DDX60L: variants seen among roughly 807,000 people sequenced by gnomAD.
The protein encoded by DDX60L is probable ATP-dependent RNA helicase DDX60-like.
In DDX60L, 191 loss-of-function variants were observed where a neutral mutation model predicts 211.6. That is an observed-to-expected ratio of 0.90 (90% CI 0.80 to 1.02). The LOEUF (loss-of-function observed/expected upper bound fraction) is 1.02. Ranked by LOEUF, DDX60L falls within the 50% of genes least tolerant of loss-of-function variation. The probability of loss-of-function intolerance (pLI) is 0.00; values close to 1 mark genes in which losing one functional copy is unlikely to be tolerated. For synonymous variants in DDX60L, 706 were observed against 694.1 expected (o/e 1.02, Z -0.27); for missense variants, 2,007 against 1,984.1 (o/e 1.01, Z -0.22).
chr4:168,434,122 G>T (rs1752725387), intron 10 of DDX60L, among the ~76,000 whole-genome samples: 1 of 151,986 alleles, frequency 6.6e-6, no homozygotes, highest in Non-Finnish European at 1.5e-5. Context: ...GTGTGTGTTT[G>T]TGTGTGTGTT....
rs1382641257 is a variant in DDX60L at position 168,456,113 on chromosome 4, C to T, written c.763G>A (p.Glu255Lys). Reference protein sequence around the residue: ...TLFLLQHLWSEGSDIQRVLCV... With the variant: ...TLFLLQHLWSKGSDIQRVLCV... Reference sequence around the variant, plus strand: ...AGAACACGCTGGATGTCCGATCCTTCTGACCATAGGTGCTGAAGCAGAAAT... The same window carrying T: ...AGAACACGCTGGATGTCCGATCCTTTTGACCATAGGTGCTGAAGCAGAAAT... Residue 255 changes from glutamate to lysine, a missense_variant, in exon 7 of 38, where the codon GAA (glutamate) becomes AAA (lysine). Physicochemically the swap from Glu to Lys is moderately conservative, Grantham distance 56. Transcript: ENST00000682922. The T allele has an allele frequency of 6.3e-7, 1 of 1,595,716 alleles. No individual in the cohort carries two copies. Among genetic ancestry groups the T allele is most frequent in the South Asian group, 1.1e-5 (1 of 87,106 alleles).
At chr4:168,479,825 T>TA (rs1182650356) in intron 1 of DDX60L, among the ~76,000 whole-genome samples, 5 of 103,662 alleles carry the variant, frequency 4.8e-5, no homozygotes, top group East Asian at 2.6e-4. Flanking sequence ...AAATAAAAAA[T>TA]AAAAAAAAAT....
At position 168,401,523 on chromosome 4, in the gene DDX60L, G is replaced by A. The variant is rs576671555; in HGVS notation, c.3339-545C>T. On this transcript the variant is annotated intron_variant, in intron 25 of 37. Transcript: ENST00000682922. ...GGCACATGTTCTCAGGATCTCCTGTGGGATGTGTCACAGGCCATGGTCACT... is the reference window on the plus strand; with the variant it reads ...GGCACATGTTCTCAGGATCTCCTGTAGGATGTGTCACAGGCCATGGTCACT... Among the ~76,000 whole-genome samples the A allele has an allele frequency of 9.2e-5, 14 of 152,300 alleles. No individual in the cohort carries two copies. In the South Asian group the frequency reaches 2.3e-3, roughly 25 times the overall value.
chr4:168,456,226 T>A, intron 6 of DDX60L, 74 bp from the exon 7 acceptor site: 1 of 840,966 alleles, frequency 1.2e-6, no homozygotes, highest in Non-Finnish European at 1.7e-6. Context: ...CTCTTACTTG[T>A]AAGAAACATA....
intron 4 of DDX60L, among the ~76,000 whole-genome samples, chr4:168,464,882 C>A (rs781420763): frequency 1.4e-4 from 22 of 152,034 alleles, no homozygotes; most frequent in Non-Finnish European, 2.9e-4. Context: ...ACCACATTTT[C>A]TTTATCCATT....
Position 168,460,592 on chromosome 4 carries a change from G to C in DDX60L, c.606+1107C>G, listed in dbSNP as rs187196309. On this transcript the variant is annotated intron_variant, in intron 5 of 37. Transcript: ENST00000682922. ...CACTGTCAACCTTTTATTCGTAAAG[G>C]AAAACCACTTCTTTACTTATAACAC... Among the ~76,000 whole-genome samples, 18 of 151,888 alleles carry C rather than the reference G, an allele frequency of 1.2e-4. No individual in the cohort carries two copies. The East Asian group carries it at 3.1e-3, about 26-fold the overall frequency.
chr4:168,401,145 G>A (rs756662758), intron 25 of DDX60L, among the ~76,000 whole-genome samples, 167 bp from the exon 26 acceptor site: 3 of 152,082 alleles, frequency 2.0e-5, no homozygotes, highest in East Asian at 1.9e-4. Context: ...TGGGAAGTAG[G>A]GGTTCAACAT....
chr4:168,415,839 GAAGT>G, intron 20 of DDX60L, 40 bp from the exon 21 acceptor site: 1 of 1,389,570 alleles, frequency 7.2e-7, no homozygotes, highest in African/African-American at 1.5e-5. Context: ...ATAAAATATA[GAAGT>G]ATTTATCAAG....
In DDX60L at chr4:168,430,625, A is replaced by C; in HGVS notation, c.1530T>G (p.Asp510Glu). The change falls in exon 13 of 38, where the codon GAT (aspartate) becomes GAG (glutamate). Residue 510 changes from aspartate to glutamate, a missense_variant. Transcript: ENST00000682922. ...TTTTCAGGAAATCAAGAACATGAGG[A>C]TCTCTAGATTGTTCTGAAATAGAAA... ...IKCHVDEQSR[D>E]PHVLDFLKKI... 2 of 1,552,466 alleles carry C rather than the reference A, an allele frequency of 1.3e-6. No individual in the cohort carries two copies. Among genetic ancestry groups the C allele is most frequent in the Middle Eastern group, 1.7e-4 (1 of 5,928 alleles).
intron 9 of DDX60L, among the ~76,000 whole-genome samples, chr4:168,446,539 T>A (rs1201231113): frequency 2.6e-5 from 4 of 152,206 alleles, no homozygotes; most frequent in Admixed American, 1.3e-4. Context: ...ACTTTAAAGT[T>A]CATACGGAAC....
At chr4:168,443,501 C>T (rs1450627185) in intron 9 of DDX60L, among the ~76,000 whole-genome samples, 3 of 151,846 alleles carry the variant, frequency 2.0e-5, no homozygotes, top group East Asian at 1.9e-4. Context: ...GGCAGGCCAA[C>T]GTTCAGATTC....
chr4:168,470,885 C>G, intron 4 of DDX60L: 1 of 259,262 alleles, frequency 3.9e-6, no homozygotes, highest in Non-Finnish European at 7.7e-6. Flanking sequence ...CTCAAGAAGG[C>G]AATAGAAAGG....
Position 168,384,045 on chromosome 4 carries a change from C to T in DDX60L, c.4116+567G>A, listed in dbSNP as rs917140339. On this transcript the variant is annotated intron_variant, in intron 30 of 37. Coordinates refer to ENST00000682922, the MANE Select transcript of DDX60L (RefSeq NM_001012967.3). ...TAGACTGACTTAGTCTCCCAAACTA[C>T]ATCTTTCTCCTGTGCTGGATACTTC... Among the ~76,000 whole-genome samples, 3 of 152,170 alleles carry T rather than the reference C, an allele frequency of 2.0e-5. No homozygotes were observed. In the East Asian group the frequency reaches 5.8e-4, roughly 29 times the overall value.
chr4:168,359,798 C>T (rs1490431416), intron 37 of DDX60L, among the ~76,000 whole-genome samples: 1 of 152,170 alleles, frequency 6.6e-6, no homozygotes, highest in Non-Finnish European at 1.5e-5. Context: ...ACTCCACACT[C>T]ACTTCTCAGC....
intron 4 of DDX60L, among the ~76,000 whole-genome samples, chr4:168,463,275 T>C (rs1031816275): frequency 7.9e-5 from 12 of 152,298 alleles, no homozygotes; most frequent in Non-Finnish European, 1.5e-4. Flanking sequence ...GTGGTACATA[T>C]ACATCATGGA....
At chr4:168,379,118 T>C (rs1162210531) in intron 32 of DDX60L, among the ~76,000 whole-genome samples, 1 of 152,250 alleles carries the variant, frequency 6.6e-6, no homozygotes, top group Non-Finnish European at 1.5e-5. Context: ...CTCCGTTTTC[T>C]CTTCTGCAAA....
Position 168,441,443 on chromosome 4 carries a change from C to T in DDX60L, c.1188G>A (p.Leu396=), listed in dbSNP as rs750412881. The change falls in exon 10 of 38, where the codon CTG becomes CTA. Residue 396 remains leucine (L), a synonymous_variant. Coordinates refer to ENST00000682922, the MANE Select transcript of DDX60L (RefSeq NM_001012967.3). ...TAACCAGGTGTGACACAACATTCCACAGGTCTTCATAATCCCTCCTAATGG... is the reference window on the plus strand; with the variant it reads ...TAACCAGGTGTGACACAACATTCCATAGGTCTTCATAATCCCTCCTAATGG... ...GDSIRRDYED[L]WNVVSHLVKE... is the part of the protein sequence containing the mutation. 6.2e-7 allele frequency: 1 copy of T among 1,612,856 alleles called. No individual in the cohort carries two copies. The highest frequency in any genetic ancestry group is 8.5e-7 in the Non-Finnish European group (1 of 1,179,438).
At chr4:168,420,619 C>G (rs6856718) in intron 17 of DDX60L, among the ~76,000 whole-genome samples, 1 of 114,872 alleles carries the variant, frequency 8.7e-6, no homozygotes, top group Non-Finnish European at 1.8e-5. Context: ...CACATACACA[C>G]ACACACACAC....
At chr4:168,401,387 C>T (rs1442704640) in intron 25 of DDX60L, among the ~76,000 whole-genome samples, 1 of 152,146 alleles carries the variant, frequency 6.6e-6, no homozygotes, top group Admixed American at 6.5e-5. Context: ...AGCCTCCCTC[C>T]CCAACTTTGA....
Sources: allele counts gnomAD v4.1 joint callset (sites outside exome capture counted in the v4.1 genomes callset), GRCh38; gene constraint gnomAD v4.1.1; transcripts MANE v1.5; gene names NCBI Gene and HGNC (gene_info 2026-07-23, HGNC 2026-07-21).